The following RNF216 variants were observed in gnomAD, a reference collection of about 807,000 sequenced individuals.
RNF216 encodes the protein ring finger protein 216, also known as E3 ubiquitin-protein ligase RNF216.
RNF216 carries 72 observed loss-of-function variants against 110.8 expected under a neutral mutation model. The ratio of observed to expected loss-of-function variants is 0.65; its 90% CI spans 0.54 to 0.79. The LOEUF (loss-of-function observed/expected upper bound fraction) is 0.79. Among genes scored for constraint, RNF216 ranks in the 30% least tolerant of loss-of-function variants. RNF216 has a pLI of 0.00. For synonymous variants in RNF216, 495 were observed against 407.5 expected, an observed-to-expected ratio of 1.21 and a Z score of -2.59; for missense variants, 1,342 against 1,141.2, an observed-to-expected ratio of 1.18 and a Z score of -2.54.
chr7:5,708,348 T>A (rs1015335395), intron 13 of RNF216, among the ~76,000 whole-genome samples: 2 of 152,172 alleles, frequency 1.3e-5, no homozygotes, highest in African/African-American at 4.8e-5. Context: ...TCCTACTATT[T>A]TTGTGTTATT....
intron 1 of RNF216, among the ~76,000 whole-genome samples, chr7:5,773,862 G>A (rs1411774050): frequency 6.6e-6 from 1 of 152,184 alleles, no homozygotes; most frequent in Non-Finnish European, 1.5e-5. Flanking sequence ...ACCGTGCCTG[G>A]CCCCAAGCCA....
At chr7:5,697,211 C>T (rs1193383745) in intron 13 of RNF216, among the ~76,000 whole-genome samples, 16 of 152,244 alleles carry the variant, frequency 1.1e-4, no homozygotes, top group Admixed American at 8.5e-4. Flanking sequence ...GACCCCACCA[C>T]GGCCTGGTCA....
intron 13 of RNF216, among the ~76,000 whole-genome samples, chr7:5,661,232 G>A (rs1399500527): frequency 1.3e-5 from 2 of 152,134 alleles, no homozygotes; most frequent in East Asian, 3.9e-4. Context: ...GAGCCACTGC[G>A]CCCAGCCCCT....
intron 13 of RNF216, among the ~76,000 whole-genome samples, chr7:5,676,107 G>A (rs1434390216): frequency 6.6e-6 from 1 of 151,806 alleles, no homozygotes; most frequent in East Asian, 1.9e-4. Context: ...CGTCTCCCAG[G>A]TTCAAGTGAT....
intron 1 of RNF216, among the ~76,000 whole-genome samples, chr7:5,765,009 T>C (rs1796128258): frequency 6.7e-6 from 1 of 150,040 alleles, no homozygotes; most frequent in Non-Finnish European, 1.5e-5. Context: ...GTTCCAAGTT[T>C]ACAGTAAGCT....
At chr7:5,668,287 A>C (rs960800791) in intron 13 of RNF216, among the ~76,000 whole-genome samples, 1 of 148,452 alleles carries the variant, frequency 6.7e-6, no homozygotes, top group African/African-American at 2.5e-5. Context: ...GCAGTGGCGC[A>C]ATCTTGGCTC....
At chr7:5,758,639 G>C (rs181957141) in intron 2 of RNF216, among the ~76,000 whole-genome samples, 1 of 152,282 alleles carries the variant, frequency 6.6e-6, no homozygotes, top group East Asian at 1.9e-4. Context: ...TGACCGCCCT[G>C]CTGGGTTTTG....
intron 13 of RNF216, among the ~76,000 whole-genome samples, chr7:5,707,518 T>C (rs994926218): frequency 2.6e-5 from 4 of 152,128 alleles, no homozygotes; most frequent in African/African-American, 7.2e-5. Context: ...TCTAACAAGT[T>C]TTTTTGTGGA....
Position 5,671,484 on chromosome 7 carries a change from G to A in RNF216, c.2062-18974C>T, listed in dbSNP as rs147243122. Reference sequence around the variant, plus strand: ...ATTAAATGAGGCTGATGGGGTGAGCGCTATTCCAATCTGATAGCCTTATAA... The same window carrying A: ...ATTAAATGAGGCTGATGGGGTGAGCACTATTCCAATCTGATAGCCTTATAA... On this transcript the variant is annotated intron_variant, in intron 13 of 16. Coordinates refer to ENST00000389902, the MANE Select transcript of RNF216 (RefSeq NM_207111.4). Among the ~76,000 whole-genome samples the A allele has an allele frequency of 4.0e-3, 609 of 152,188 alleles. 1 individual carries two copies. Among genetic ancestry groups the A allele is most frequent in the African/African-American group, 0.013 (535 of 41,506 alleles).
Position 5,656,615 on chromosome 7 carries a change from C to T in RNF216, c.2062-4105G>A, listed in dbSNP as rs188279631. Reference sequence around the variant, plus strand: ...GTTTGTTAACAAGTAGCCCGCCAGGCCACGTTCTTCACGTCATCATGGAGG... The same window carrying T: ...GTTTGTTAACAAGTAGCCCGCCAGGTCACGTTCTTCACGTCATCATGGAGG... On this transcript the variant is annotated intron_variant, in intron 13 of 16. Transcript: ENST00000389902. Among the ~76,000 whole-genome samples, 16 of 152,300 alleles carry T rather than the reference C, an allele frequency of 1.1e-4. 1 individual carries two copies. The East Asian group carries it at 3.1e-3, about 29-fold the overall frequency.
intron 2 of RNF216, among the ~76,000 whole-genome samples, chr7:5,758,302 G>A (rs866637488): frequency 1.9e-4 from 29 of 152,270 alleles, no homozygotes; most frequent in South Asian, 8.3e-4. Flanking sequence ...TCACTACCAA[G>A]TTAGAATACA....
chr7:5,636,979 A>T (rs1787434720), intron 15 of RNF216, among the ~76,000 whole-genome samples: 1 of 152,202 alleles, frequency 6.6e-6, no homozygotes, highest in Non-Finnish European at 1.5e-5. Flanking sequence ...GAAAGAAAAA[A>T]GTGCTGAGAA....
chr7:5,725,841 C>CA (rs756914396), intron 7 of RNF216, among the ~76,000 whole-genome samples: 6,112 of 76,568 alleles, frequency 0.08, 180 homozygotes, highest in South Asian at 0.13. Flanking sequence ...CCAGCCTGGG[C>CA]AAAAAAAAAA....
At chr7:5,660,890 G>C (rs931557857) in intron 13 of RNF216, among the ~76,000 whole-genome samples, 1 of 150,028 alleles carries the variant, frequency 6.7e-6, no homozygotes, top group African/African-American at 2.5e-5. Flanking sequence ...CTTTAACAGA[G>C]GTCTAAAACT....
At chr7:5,671,526 C>T (rs571071833) in intron 13 of RNF216, among the ~76,000 whole-genome samples, 74 of 152,160 alleles carry the variant, frequency 4.9e-4, no homozygotes, top group African/African-American at 1.6e-3. Flanking sequence ...CAGAGAGAGC[C>T]GGGCACGGTG....
intron 3 of RNF216, among the ~76,000 whole-genome samples, chr7:5,744,757 G>A (rs1250468297): frequency 6.6e-6 from 1 of 152,156 alleles, no homozygotes; most frequent in Non-Finnish European, 1.5e-5. Flanking sequence ...TGGATCACCT[G>A]AGGTCAGAAG....
At chr7:5,755,059 G>A (rs1461070878) in intron 2 of RNF216, among the ~76,000 whole-genome samples, 3 of 140,418 alleles carry the variant, frequency 2.1e-5, no homozygotes, top group African/African-American at 7.6e-5. Flanking sequence ...ACAAGGGAGG[G>A]AGGGAGGGAA....
Position 5,730,730 on chromosome 7 carries a change from G to A in RNF216, c.1209C>T (p.Ser403=). The A allele has an allele frequency of 1.9e-6, 3 of 1,607,956 alleles. No individual in the cohort carries two copies. The highest frequency in any genetic ancestry group is 2.6e-6 in the Non-Finnish European group (3 of 1,176,258). Residue 403 remains serine, a synonymous_variant, in exon 6 of 17, where the codon AGC becomes AGT. Transcript: ENST00000389902. Reference sequence around the variant, plus strand: ...TGACACTTGCCTTTGTCTCATCTTGGCTGGCCAGCAGACTGCTACTGGGAT... The same window carrying A: ...TGACACTTGCCTTTGTCTCATCTTGACTGGCCAGCAGACTGCTACTGGGAT... ...IINPSSSLLA[S]QDETKLPKID... is the part of the protein sequence containing the mutation.
chr7:5,770,355 G>A (rs968198787), intron 1 of RNF216, among the ~76,000 whole-genome samples: 5 of 151,978 alleles, frequency 3.3e-5, no homozygotes, highest in East Asian at 1.9e-4. Context: ...CAGCTACTCA[G>A]GAGGCTGAGG....
Sources: gnomAD v4.1 joint callset for allele counts (sites outside exome capture counted in the v4.1 genomes callset) on GRCh38, gnomAD v4.1.1 for gene constraint, MANE v1.5 for transcripts, NCBI Gene and HGNC (gene_info 2026-07-23, HGNC 2026-07-21) for gene names.